The following FRMD5 variants were observed in gnomAD, a reference collection of about 807,000 sequenced individuals.
FRMD5 encodes FERM domain-containing protein 5.
In FRMD5, 20 loss-of-function variants were observed where a neutral mutation model predicts 69.0. That is an observed-to-expected ratio of 0.29 (90% confidence interval 0.20 to 0.42). The LOEUF is 0.42. Ranked by LOEUF, FRMD5 falls within the 10% of genes least tolerant of loss-of-function variation. The pLI is 1.00. For synonymous variants in FRMD5, 271 were observed against 260.1 expected (o/e 1.04, Z -0.40); for missense variants, 595 against 708.6 (o/e 0.84, Z 1.82).
At chr15:44,168,333 G>A (rs2077743881) in intron 1 of FRMD5, among the ~76,000 whole-genome samples, 1 of 152,200 alleles carries the variant, frequency 6.6e-6, no homozygotes, top group Admixed American at 6.5e-5. Context: ...CTTAAAGTCA[G>A]ACTAGACTGT....
chr15:44,148,119 G>T (rs1250755143), intron 1 of FRMD5, among the ~76,000 whole-genome samples: 2 of 151,916 alleles, frequency 1.3e-5, no homozygotes, highest in Non-Finnish European at 2.9e-5. Context: ...CATCCTTTTT[G>T]TTTCCCTCCC....
chr15:43,965,511 T>G (rs1159225744), intron 1 of FRMD5, among the ~76,000 whole-genome samples: 1 of 152,006 alleles, frequency 6.6e-6, no homozygotes, highest in Admixed American at 6.6e-5. Flanking sequence ...CAAGTAAGAC[T>G]GCACCTAATT....
intron 1 of FRMD5, among the ~76,000 whole-genome samples, chr15:43,929,396 A>C (rs1261822927): frequency 6.6e-6 from 1 of 152,226 alleles, no homozygotes; most frequent in Non-Finnish European, 1.5e-5. Flanking sequence ...CAAGATGCAG[A>C]AAGCTCCACT....
chr15:43,963,549 A>G (rs1485532448), intron 1 of FRMD5, among the ~76,000 whole-genome samples: 2 of 152,226 alleles, frequency 1.3e-5, no homozygotes, highest in East Asian at 1.9e-4. Flanking sequence ...CAGCCATCCC[A>G]TTACTGGGTA....
upstream of FRMD5, among the ~76,000 whole-genome samples, chr15:44,196,738 C>T (rs1161486252): frequency 2.9e-5 from 3 of 103,252 alleles, no homozygotes; most frequent in Non-Finnish European, 6.1e-5. Flanking sequence ...TTCATTCTCT[C>T]TCTCTCTCTC....
chr15:43,873,639 C>T lies in FRMD5; in HGVS notation c.*246G>A. The stretch of plus-strand genomic sequence containing the variant: ...TCCTGCAAATTGGAAAGATGAGAAA[C>T]AGAGTCGCTGAGCCTTTCTTGAAAT... On this transcript the variant is annotated 3_prime_UTR_variant, in exon 14 of 14. Coordinates refer to ENST00000417257, the MANE Select transcript of FRMD5 (RefSeq NM_032892.5). 3 of 1,483,492 alleles carry T rather than the reference C, an allele frequency of 2.0e-6. No individual in the cohort carries two copies. The highest frequency in any genetic ancestry group is 2.7e-5 in the South Asian group (2 of 75,464). 91.9% of individuals were successfully genotyped at this position (1,483,492 alleles called of 1,614,324 possible).
chr15:44,138,192 T>G (rs968901839), intron 1 of FRMD5, among the ~76,000 whole-genome samples: 1 of 152,148 alleles, frequency 6.6e-6, no homozygotes, highest in Admixed American at 6.5e-5. Flanking sequence ...AAATCAACTA[T>G]TTGGTAGATG....
chr15:44,145,784 AGATTTAAC>A (rs774685207), intron 1 of FRMD5, among the ~76,000 whole-genome samples: 1 of 152,204 alleles, frequency 6.6e-6, no homozygotes, highest in South Asian at 2.1e-4. Flanking sequence ...TGAAAGTTTA[AGATTTAAC>A]ACAAGTAATT....
intron 1 of FRMD5, among the ~76,000 whole-genome samples, chr15:43,959,987 G>A (rs926279662): frequency 1.3e-4 from 20 of 152,138 alleles, no homozygotes; most frequent in East Asian, 3.8e-4. Flanking sequence ...GTGCGATCTC[G>A]GCTCAACGCA....
At chr15:44,182,882 G>C (rs570852489) in intron 1 of FRMD5, among the ~76,000 whole-genome samples, 1 of 151,882 alleles carries the variant, frequency 6.6e-6, no homozygotes, top group African/African-American at 2.4e-5. Context: ...TGCAAGTTCC[G>C]CCTCCCGGGT....
At chr15:44,140,360 C>A (rs1015285106) in intron 1 of FRMD5, among the ~76,000 whole-genome samples, 1 of 151,808 alleles carries the variant, frequency 6.6e-6, no homozygotes, top group Non-Finnish European at 1.5e-5. Context: ...TAAAACTGAA[C>A]AACAATGAAA....
intron 7 of FRMD5, among the ~76,000 whole-genome samples, chr15:43,899,122 T>C (rs1445198877): frequency 6.6e-6 from 1 of 152,172 alleles, no homozygotes; most frequent in Admixed American, 6.5e-5. Flanking sequence ...AAATCATCAG[T>C]ATTTATTACA....
At chr15:44,027,776 C>T (rs1891501503) in intron 1 of FRMD5, among the ~76,000 whole-genome samples, 1 of 151,680 alleles carries the variant, frequency 6.6e-6, no homozygotes, top group Non-Finnish European at 1.5e-5. Flanking sequence ...TCCCGAGTAG[C>T]TGGGACTACA....
At chr15:44,173,150 T>G (rs2077833233) in intron 1 of FRMD5, among the ~76,000 whole-genome samples, 1 of 152,144 alleles carries the variant, frequency 6.6e-6, no homozygotes, top group African/African-American at 2.4e-5. Context: ...ATATTAGGTT[T>G]CAAACACATC....
chr15:44,160,702 G>T (rs767098978), intron 1 of FRMD5, among the ~76,000 whole-genome samples: 1 of 152,134 alleles, frequency 6.6e-6, no homozygotes, highest in Non-Finnish European at 1.5e-5. Context: ...TTTGAAGAAA[G>T]CTTTTCAAGC....
chr15:44,100,332 C>A (rs1370883468), intron 1 of FRMD5, among the ~76,000 whole-genome samples: 1 of 151,954 alleles, frequency 6.6e-6, no homozygotes, highest in Non-Finnish European at 1.5e-5. Flanking sequence ...GCTGGGATTA[C>A]AGGCATGAGC....
At chr15:44,072,197 G>A (rs2140416024) in intron 1 of FRMD5, among the ~76,000 whole-genome samples, 1 of 152,172 alleles carries the variant, frequency 6.6e-6, no homozygotes, top group African/African-American at 2.4e-5. Flanking sequence ...TTTTCTTAAG[G>A]GTTCTGATTG....
At chr15:44,172,774 G>A (rs922974715) in intron 1 of FRMD5, among the ~76,000 whole-genome samples, 5 of 152,038 alleles carry the variant, frequency 3.3e-5, no homozygotes, top group South Asian at 2.1e-4. Flanking sequence ...AAAAATAAGC[G>A]ATTAGCTAGA....
At chr15:43,956,508 CTA>C (rs1308392314) in intron 1 of FRMD5, among the ~76,000 whole-genome samples, 1 of 151,350 alleles carries the variant, frequency 6.6e-6, no homozygotes, top group Non-Finnish European at 1.5e-5. Flanking sequence ...TTTTTTTGCT[CTA>C]GTGTTCAACA....
Sources: gnomAD v4.1 joint callset for allele counts (sites outside exome capture counted in the v4.1 genomes callset) on GRCh38, gnomAD v4.1.1 for gene constraint, MANE v1.5 for transcripts, NCBI Gene and HGNC (gene_info 2026-07-23, HGNC 2026-07-21) for gene names.